The following ZNF92 variants were observed in gnomAD, a reference collection of about 807,000 sequenced individuals.
ZNF92 encodes the protein zinc finger protein 92.
ZNF92 carries 11 observed loss-of-function variants against 12.4 expected under a neutral mutation model. The ratio of observed to expected loss-of-function variants is 0.89; its 90% CI spans 0.56 to 1.47. ZNF92 has a LOEUF of 1.47. Among genes scored for constraint, ZNF92 ranks in the 40% most tolerant of loss-of-function variants. The pLI, the probability that ZNF92 is intolerant of heterozygous loss-of-function variation, is 0.00. For missense variants in ZNF92, 622 were observed against 681.0 expected (o/e 0.91, Z 0.96); for synonymous variants, 206 against 228.6 (o/e 0.90, Z 0.89).
chr7:65,385,097 G>A (rs1793527022), intron 1 of ZNF92, among the ~76,000 whole-genome samples: 1 of 152,100 alleles, frequency 6.6e-6, no homozygotes, highest in Non-Finnish European at 1.5e-5. Flanking sequence ...TCTGTGATGT[G>A]CCTGCTTTGT....
intron 3 of ZNF92, among the ~76,000 whole-genome samples, chr7:65,391,085 C>A (rs1451006912): frequency 6.6e-6 from 1 of 152,046 alleles, no homozygotes. Context: ...TTTAGCATTT[C>A]ACAACTCCCT....
At chr7:65,394,998 A>C (rs1342911269) in intron 3 of ZNF92, among the ~76,000 whole-genome samples, 2 of 152,058 alleles carry the variant, frequency 1.3e-5, no homozygotes, top group African/African-American at 4.8e-5. Flanking sequence ...AATGTGTTTT[A>C]TTTTCACATT....
At chr7:65,386,074 C>T (rs536141139) in intron 1 of ZNF92, among the ~76,000 whole-genome samples, 2 of 152,116 alleles carry the variant, frequency 1.3e-5, no homozygotes, top group South Asian at 4.2e-4. Flanking sequence ...GGCTGGAGTG[C>T]AGCGGCATGA....
intron 3 of ZNF92, among the ~76,000 whole-genome samples, chr7:65,389,336 T>C (rs960607852): frequency 6.6e-6 from 1 of 152,044 alleles, no homozygotes; most frequent in Non-Finnish European, 1.5e-5. Flanking sequence ...TTTATTTTGC[T>C]CTCACATAGG....
chr7:65,392,537 C>T (rs1793742332), intron 3 of ZNF92, among the ~76,000 whole-genome samples: 1 of 111,926 alleles, frequency 8.9e-6, no homozygotes, highest in Non-Finnish European at 1.8e-5. Context: ...CTTGAGCCCA[C>T]ATTTTTTTTT....
intron 1 of ZNF92, among the ~76,000 whole-genome samples, chr7:65,378,443 T>C (rs570860935): frequency 3.3e-5 from 5 of 151,680 alleles, no homozygotes; most frequent in African/African-American, 9.7e-5. Flanking sequence ...AAGTAAAGTC[T>C]GATTAAGAAG....
At chr7:65,392,937 C>T (rs1039802616) in intron 3 of ZNF92, among the ~76,000 whole-genome samples, 4 of 151,866 alleles carry the variant, frequency 2.6e-5, no homozygotes, top group Non-Finnish European at 5.9e-5. Context: ...ACCTGTGGTC[C>T]CAGCTACTTG....
At chr7:65,382,403 A>C (rs1793445388) in intron 1 of ZNF92, among the ~76,000 whole-genome samples, 1 of 152,058 alleles carries the variant, frequency 6.6e-6, no homozygotes, top group Non-Finnish European at 1.5e-5. Flanking sequence ...TAAGGTGCCA[A>C]CCAAGCTTTA....
chr7:65,385,799 A>G (rs1480889163), intron 1 of ZNF92, among the ~76,000 whole-genome samples: 2 of 152,042 alleles, frequency 1.3e-5, no homozygotes, highest in Admixed American at 1.3e-4. Flanking sequence ...TAATTTCTCC[A>G]GAGAATCATC....
intron 3 of ZNF92, among the ~76,000 whole-genome samples, chr7:65,392,466 G>A (rs1331177365): frequency 6.6e-6 from 1 of 151,146 alleles, no homozygotes; most frequent in East Asian, 1.9e-4. Flanking sequence ...TTCATTGCCA[G>A]GCATGGTGGT....
chr7:65,388,978 A>G (rs1793642222), intron 3 of ZNF92, 77 bp downstream of exon 3: 1 of 1,314,416 alleles, frequency 7.6e-7, no homozygotes, highest in African/African-American at 1.5e-5. Context: ...ATTTTTTCTT[A>G]GTCGGAGTTT....
chr7:65,376,606 C>T (rs185951182), intron 1 of ZNF92, among the ~76,000 whole-genome samples: 1 of 152,176 alleles, frequency 6.6e-6, no homozygotes. Flanking sequence ...GCCACCATGC[C>T]TGGGTAATTT....
chr7:65,388,035 A>AT lies in ZNF92; in HGVS notation c.130+8dup. 1 of 1,600,536 alleles carries AT rather than the reference A, an allele frequency of 6.2e-7. No individual in the cohort carries two copies. Among genetic ancestry groups the AT allele is most frequent in the South Asian group, 1.1e-5 (1 of 89,978 alleles). ...AGAAACCTGGTCTTCCTTGGTGAGG[A>AT]TAACTTCAATACACAATACACAATG... On this transcript the variant is annotated splice_region_variant and intron_variant, in intron 2 of 3. Coordinates refer to ENST00000328747, the MANE Select transcript of ZNF92 (RefSeq NM_152626.4).
intron 3 of ZNF92, among the ~76,000 whole-genome samples, chr7:65,391,660 A>AGG (rs1375183241): frequency 6.6e-6 from 1 of 152,138 alleles, no homozygotes. Context: ...TGGCAACGTA[A>AGG]GGCTATTCTT....
chr7:65,375,611 T>G (rs1793215899), intron 1 of ZNF92, among the ~76,000 whole-genome samples: 1 of 151,828 alleles, frequency 6.6e-6, no homozygotes, highest in Non-Finnish European at 1.5e-5. Context: ...AAAAAAAGTA[T>G]TCCAAAAGAT....
intron 2 of ZNF92, 71 bp downstream of exon 2, chr7:65,388,099 T>C: frequency 6.7e-7 from 1 of 1,500,268 alleles, no homozygotes. Context: ...AAAATGTTTT[T>C]TGGTAATTTA....
chr7:65,399,154 G>T lies in ZNF92; in HGVS notation c.1040G>T (p.Gly347Val). 3 of 1,613,180 alleles carry T rather than the reference G, an allele frequency of 1.9e-6. No homozygotes were observed. Among genetic ancestry groups the T allele is most frequent in the Non-Finnish European group, 2.5e-6 (3 of 1,179,722 alleles). The change falls in exon 4 of 4, where the codon GGC (glycine) becomes GTC (valine). Residue 347 changes from glycine (G) to valine (V), a missense_variant. Coordinates refer to ENST00000328747, the MANE Select transcript of ZNF92 (RefSeq NM_152626.4). The part of the protein sequence containing the change: ...GEKPYKCEEC[G>V]KAFNQFSNLT... ...AAACCATACAAATGTGAAGAATGTG[G>T]CAAAGCCTTTAACCAGTTCTCAAAC...
intron 3 of ZNF92, among the ~76,000 whole-genome samples, chr7:65,393,789 T>C (rs1186047296): frequency 1.3e-5 from 2 of 152,124 alleles, no homozygotes; most frequent in Non-Finnish European, 2.9e-5. Context: ...TTCCCATGTA[T>C]ATATATCTCT....
intron 1 of ZNF92, among the ~76,000 whole-genome samples, chr7:65,375,397 A>C (rs1793211988): frequency 1.3e-5 from 2 of 152,070 alleles, no homozygotes; most frequent in Admixed American, 1.3e-4. Context: ...TCAAGGGAGC[A>C]GGTGGATGCC....
Sources: allele counts gnomAD v4.1 joint callset (sites outside exome capture counted in the v4.1 genomes callset), GRCh38; gene constraint gnomAD v4.1.1; transcripts MANE v1.5; gene names NCBI Gene and HGNC (gene_info 2026-07-23, HGNC 2026-07-21).